The following COL21A1 variants were observed in gnomAD, a reference collection of about 807,000 sequenced individuals.
COL21A1 encodes the protein collagen alpha-1(XXI) chain.
Under a neutral mutation model 137.9 loss-of-function variants are expected in COL21A1, and 149 were observed. The observed-to-expected ratio is 1.08, with a 90% CI of 0.95 to 1.24. The LOEUF is 1.24. Ranked by LOEUF, COL21A1 falls within the 50% of genes most tolerant of loss-of-function variation. The probability of loss-of-function intolerance (pLI) is 0.00; values close to 1 mark genes in which losing one functional copy is unlikely to be tolerated. For missense variants in COL21A1, 1,167 were observed against 1,158.4 expected (o/e 1.01, Z -0.11); for synonymous variants, 456 against 391.5 (o/e 1.16, Z -1.95).
intron 16 of COL21A1, among the ~76,000 whole-genome samples, chr6:56,103,376 T>C (rs1478338795): frequency 6.6e-6 from 1 of 152,180 alleles, no homozygotes; most frequent in Non-Finnish European, 1.5e-5. Flanking sequence ...TGTGGTTAAA[T>C]TTTCTGTATT....
chr6:56,080,998 G>C lies in COL21A1; in HGVS notation c.1813-3425C>G, dbSNP rs571557435. Among the ~76,000 whole-genome samples the C allele has an allele frequency of 8.6e-5, 13 of 151,902 alleles. No homozygotes were observed. In the South Asian group the frequency reaches 2.7e-3, roughly 32 times the overall value. On this transcript the variant is annotated intron_variant, in intron 17 of 29. Coordinates refer to ENST00000244728, the MANE Select transcript of COL21A1 (RefSeq NM_030820.4). The stretch of plus-strand genomic sequence containing the variant: ...CCACTCCAGGCCAGTTATTTAAACT[G>C]TAAAATCTCTGAATCCCAGTTTTCT...
chr6:56,338,050 C>T (rs1211688487), intron 1 of COL21A1, among the ~76,000 whole-genome samples: 4 of 151,026 alleles, frequency 2.6e-5, no homozygotes, highest in Non-Finnish European at 3.0e-5. Flanking sequence ...GCAACCTCCG[C>T]CTCCCGGGTT....
chr6:56,096,295 C>T (rs1187110877), intron 17 of COL21A1, among the ~76,000 whole-genome samples: 1 of 152,158 alleles, frequency 6.6e-6, no homozygotes, highest in Non-Finnish European at 1.5e-5. Context: ...GCTCATTTGA[C>T]TCCTTGATGG....
At chr6:56,232,632 A>T (rs1339966474) in intron 1 of COL21A1, among the ~76,000 whole-genome samples, 3 of 151,960 alleles carry the variant, frequency 2.0e-5, no homozygotes, top group Admixed American at 6.6e-5. Context: ...TCATCCTGAA[A>T]AACAGACATT....
chr6:56,116,126 C>A (rs1771895965), intron 16 of COL21A1, among the ~76,000 whole-genome samples: 1 of 151,926 alleles, frequency 6.6e-6, no homozygotes. Flanking sequence ...TAACAGAGAA[C>A]TTCCCAAACC....
intron 1 of COL21A1, among the ~76,000 whole-genome samples, chr6:56,256,321 T>C (rs1377539139): frequency 6.6e-6 from 1 of 152,206 alleles, no homozygotes; most frequent in Non-Finnish European, 1.5e-5. Flanking sequence ...ATACAGGTTG[T>C]GAACAGAGAT....
chr6:56,176,201 T>A (rs1373300731), intron 3 of COL21A1, among the ~76,000 whole-genome samples: 1 of 152,014 alleles, frequency 6.6e-6, no homozygotes, highest in Non-Finnish European at 1.5e-5. Flanking sequence ...CTTCATAACA[T>A]CAGCCTCGTA....
chr6:56,061,125 G>T, intron 25 of COL21A1, 88 bp from the exon 26 acceptor site: 1 of 1,070,800 alleles, frequency 9.3e-7, no homozygotes, highest in Non-Finnish European at 1.3e-6. Flanking sequence ...ATGTGAATAT[G>T]CATGTATACA....
chr6:56,301,942 T>C (rs1308112110), intron 1 of COL21A1, among the ~76,000 whole-genome samples: 1 of 152,104 alleles, frequency 6.6e-6, no homozygotes, highest in African/African-American at 2.4e-5. Flanking sequence ...TGTGTTCTCA[T>C]TGTTCAATTC....
At chr6:56,359,474 A>C (rs1028518785) in intron 1 of COL21A1, among the ~76,000 whole-genome samples, 4 of 152,194 alleles carry the variant, frequency 2.6e-5, no homozygotes, top group Non-Finnish European at 5.9e-5. Flanking sequence ...GAATCAGATC[A>C]TGGAAGTAGG....
chr6:56,187,992 A>G (rs1778409531), intron 1 of COL21A1, among the ~76,000 whole-genome samples: 1 of 152,222 alleles, frequency 6.6e-6, no homozygotes, highest in African/African-American at 2.4e-5. Context: ...TTGAACAGAC[A>G]TATTACAAAA....
intron 1 of COL21A1, among the ~76,000 whole-genome samples, chr6:56,290,824 C>T (rs2152335541): frequency 6.6e-6 from 1 of 152,246 alleles, no homozygotes; most frequent in African/African-American, 2.4e-5. Context: ...AACCCACTGA[C>T]AACCCAATGC....
At chr6:56,180,941 T>G (rs1347544803) in intron 2 of COL21A1, among the ~76,000 whole-genome samples, 1 of 152,198 alleles carries the variant, frequency 6.6e-6, no homozygotes, top group South Asian at 2.1e-4. Flanking sequence ...GCCTTTGCAG[T>G]TGCTCTTCCC....
chr6:56,185,890 G>C (rs1778259805), intron 1 of COL21A1, among the ~76,000 whole-genome samples: 1 of 151,434 alleles, frequency 6.6e-6, no homozygotes. Context: ...AAACAGTCAA[G>C]GGAAAAAAAT....
At chr6:56,169,473 C>T (rs1264228556) in intron 5 of COL21A1, among the ~76,000 whole-genome samples, 1 of 151,896 alleles carries the variant, frequency 6.6e-6, no homozygotes, top group African/African-American at 2.4e-5. Context: ...AAGTCCAAAC[C>T]ACATTATATG....
chr6:56,194,936 G>C (rs1243907219), intron 1 of COL21A1, among the ~76,000 whole-genome samples: 2 of 152,140 alleles, frequency 1.3e-5, no homozygotes, highest in Non-Finnish European at 1.5e-5. Flanking sequence ...TTTCGAATGG[G>C]TTAATCCATT....
intron 1 of COL21A1, among the ~76,000 whole-genome samples, chr6:56,269,471 C>T (rs868520642): frequency 9.2e-5 from 14 of 151,358 alleles, no homozygotes; most frequent in South Asian, 4.2e-4. Flanking sequence ...CCGGCTAAAA[C>T]GGTGAAACCC....
At chr6:56,251,204 T>C (rs1782844608), upstream of COL21A1, among the ~76,000 whole-genome samples, 2 of 152,150 alleles carry the variant, frequency 1.3e-5, no homozygotes, top group South Asian at 2.1e-4. Context: ...GCTCCTCAAT[T>C]CCCTGCTAAG....
At chr6:56,180,832 G>A (rs1459865070) in intron 2 of COL21A1, among the ~76,000 whole-genome samples, 1 of 152,182 alleles carries the variant, frequency 6.6e-6, no homozygotes, top group Non-Finnish European at 1.5e-5. Context: ...GACAAATATA[G>A]CTGTTCTTTT....
Sources: allele counts gnomAD v4.1 joint callset (sites outside exome capture counted in the v4.1 genomes callset), GRCh38; gene constraint gnomAD v4.1.1; transcripts MANE v1.5; gene names NCBI Gene and HGNC (gene_info 2026-07-23, HGNC 2026-07-21).